Variants in MYO16 observed in about 807,000 individuals in gnomAD.
MYO16 encodes the protein unconventional myosin-XVI.
A neutral mutation model predicts 205.3 loss-of-function variants in MYO16; 94 were observed. The ratio of observed to expected loss-of-function variants is 0.46; its 90% CI spans 0.39 to 0.54. The LOEUF (loss-of-function observed/expected upper bound fraction) is 0.54. Ranked by LOEUF, MYO16 falls within the 20% of genes least tolerant of loss-of-function variation. The pLI is 0.00. For missense variants in MYO16, 2,315 were observed against 2,387.5 expected (o/e 0.97, Z 0.63); for synonymous variants, 988 against 954.0 (o/e 1.04, Z -0.66).
At chr13:108,992,496 A>G (rs770425722) in intron 21 of MYO16, 48 bp downstream of exon 21, 3 of 1,200,772 alleles carry the variant, frequency 2.5e-6, no homozygotes, top group South Asian at 1.3e-5. Flanking sequence ...TGGCTTTTGA[A>G]ACTAAGTTCT....
At chr13:109,178,331 GTT>G (rs1209646397) in intron 33 of MYO16, among the ~76,000 whole-genome samples, 1 of 152,138 alleles carries the variant, frequency 6.6e-6, no homozygotes, top group Non-Finnish European at 1.5e-5. Flanking sequence ...TCTTCATGAA[GTT>G]AGCTTTTCCA....
At position 108,959,290 on chromosome 13, in the gene MYO16, G is replaced by C. The variant is rs570516939; in HGVS notation, c.2037+1491G>C. 5.9e-5 allele frequency among the ~76,000 whole-genome samples: 9 copies of C among 152,254 alleles called. No homozygotes were observed. In the South Asian group the frequency reaches 1.9e-3, roughly 32 times the overall value. On this transcript the variant is annotated intron_variant, in intron 17 of 34. Transcript: ENST00000457511. ...CTGTTCTGTCTTTGCACTTGCTGCTGTGGTACTTTTTTGTTTTGATTTTTT... is the reference window on the plus strand; with the variant it reads ...CTGTTCTGTCTTTGCACTTGCTGCTCTGGTACTTTTTTGTTTTGATTTTTT...
At chr13:108,535,956 T>G in the MYO16 span, among the ~76,000 whole-genome samples, 1 of 152,218 alleles carries the variant, frequency 6.6e-6, no homozygotes, top group Non-Finnish European at 1.5e-5. Context: ...ACTTCACTTT[T>G]GTGGAACTCC....
intron 16 of MYO16, among the ~76,000 whole-genome samples, chr13:108,926,353 T>C (rs1396686740): frequency 6.6e-6 from 1 of 152,122 alleles, no homozygotes; most frequent in Admixed American, 6.5e-5. Context: ...TTTCTGAAGA[T>C]GAAAAAATAA....
Position 108,786,101 on chromosome 13 carries a change from G to C in MYO16, c.616+358G>C, listed in dbSNP as rs549975671. ...TTGAATTTTGAGCTAATGAGAACAA[G>C]GTCATCTGAAGTGTATTCTCTTAGA... On this transcript the variant is annotated intron_variant, in intron 5 of 34. Transcript: ENST00000457511. Among the ~76,000 whole-genome samples, 16 of 152,336 alleles carry C rather than the reference G, an allele frequency of 1.1e-4. No homozygotes were observed. In the South Asian group the frequency reaches 3.1e-3, roughly 30 times the overall value.
chr13:108,653,445 C>A (rs1566530345), intron 1 of MYO16, among the ~76,000 whole-genome samples: 1 of 152,060 alleles, frequency 6.6e-6, no homozygotes. Flanking sequence ...GGTGTCATAG[C>A]TAGAATTCAT....
intron 28 of MYO16, chr13:109,101,989 C>T (rs555726436): frequency 3.9e-5 from 6 of 152,286 alleles, no homozygotes; most frequent in Admixed American, 3.3e-4. Context: ...CTCGCACACT[C>T]ATCTGTCTAT....
At chr13:108,728,368 C>A (rs1314683881) in intron 4 of MYO16, among the ~76,000 whole-genome samples, 2 of 152,154 alleles carry the variant, frequency 1.3e-5, no homozygotes, top group African/African-American at 4.8e-5. Context: ...AACTCAAGTT[C>A]ATTGTCAGAA....
chr13:109,185,599 T>C (rs1179340083), intron 34 of MYO16, among the ~76,000 whole-genome samples: 1 of 152,244 alleles, frequency 6.6e-6, no homozygotes, highest in Non-Finnish European at 1.5e-5. Flanking sequence ...TTTTAAAATA[T>C]GATTTATTAT....
chr13:108,714,798 A>T (rs1338632103), intron 3 of MYO16, among the ~76,000 whole-genome samples: 6 of 152,116 alleles, frequency 3.9e-5, no homozygotes, highest in African/African-American at 1.2e-4. Context: ...TTTAATGAAC[A>T]CATATATCAC....
intron 20 of MYO16, among the ~76,000 whole-genome samples, chr13:108,970,575 G>A (rs565724128): frequency 7.9e-5 from 12 of 152,274 alleles, no homozygotes; most frequent in East Asian, 1.9e-4. Flanking sequence ...CCCCAGTGTC[G>A]AGGTAAAATA....
At chr13:109,105,127 A>G (rs1889082813) in intron 28 of MYO16, among the ~76,000 whole-genome samples, 1 of 152,260 alleles carries the variant, frequency 6.6e-6, no homozygotes, top group African/African-American at 2.4e-5. Flanking sequence ...TCTGTAAATA[A>G]GAAACTACCA....
chr13:108,829,152 C>G (rs1876460151), intron 9 of MYO16, among the ~76,000 whole-genome samples: 1 of 152,132 alleles, frequency 6.6e-6, no homozygotes, highest in Admixed American at 6.5e-5. Context: ...AACCTGTAGG[C>G]TCTGGTCTAA....
Position 109,055,004 on chromosome 13 carries a change from C to CTTTCT in MYO16, c.3049-36_3049-32dup, listed in dbSNP as rs769527630. ...CTCCTTCTTCCTTTCCTTTCCTTTC[C>CTTTCT]TTTCTTTTCTCCTGTCCTTCTTGTC... On this transcript the variant is annotated intron_variant, in intron 25 of 34. Transcript: ENST00000457511. This position sits in a 1 kb window ranked among gnomAD's most constrained non-coding sequence, Gnocchi z 5.0. 1 of 1,271,284 alleles carries CTTTCT rather than the reference C, an allele frequency of 7.9e-7. No individual in the cohort carries two copies. Among genetic ancestry groups the CTTTCT allele is most frequent in the East Asian group, 2.7e-5 (1 of 37,152 alleles). The allele number at this position is 1,271,284 out of a possible 1,614,324, so 78.8% of individuals were successfully genotyped here.
the MYO16 span, among the ~76,000 whole-genome samples, chr13:108,535,305 A>G: frequency 6.6e-6 from 1 of 152,134 alleles, no homozygotes; most frequent in African/African-American, 2.4e-5. Flanking sequence ...ACAACATCTA[A>G]AATACCAATT....
intron 33 of MYO16, among the ~76,000 whole-genome samples, chr13:109,177,105 T>G (rs1187746836): frequency 6.6e-6 from 1 of 152,194 alleles, no homozygotes; most frequent in Non-Finnish European, 1.5e-5. Flanking sequence ...CTTCTCGACT[T>G]TGTTCGCCCT....
intron 1 of MYO16, among the ~76,000 whole-genome samples, chr13:108,596,585 G>A (rs7992149): frequency 0.026 from 3,965 of 152,190 alleles, 152 homozygotes; most frequent in African/African-American, 0.089. Context: ...AAATGCTTTA[G>A]CAAAGTCTTG....
At chr13:108,824,969 C>A (rs1189017381) in intron 9 of MYO16, among the ~76,000 whole-genome samples, 3 of 152,064 alleles carry the variant, frequency 2.0e-5, no homozygotes, top group Non-Finnish European at 2.9e-5. Context: ...AGGCTGAATT[C>A]TTCCAAATGT....
intron 4 of MYO16, among the ~76,000 whole-genome samples, chr13:108,749,034 GTTTT>G (rs1368626801): frequency 6.6e-6 from 1 of 151,892 alleles, no homozygotes; most frequent in African/African-American, 2.4e-5. Flanking sequence ...GTTTGGCAGG[GTTTT>G]TTTGACATCT....
Sources: gnomAD v4.1 joint callset for allele counts (sites outside exome capture counted in the v4.1 genomes callset) on GRCh38, gnomAD v4.1.1 for gene constraint, Gnocchi (gnomAD v3.1) non-coding constraint, MANE v1.5 for transcripts, NCBI Gene and HGNC (gene_info 2026-07-23, HGNC 2026-07-21) for gene names.